NEK10: variants seen among roughly 807,000 people sequenced by gnomAD.
NEK10 encodes serine/threonine-protein kinase Nek10.
A neutral mutation model predicts 159.8 loss-of-function variants in NEK10; 122 were observed. That is an observed-to-expected ratio of 0.76 (90% confidence interval 0.66 to 0.89). The LOEUF is 0.89. Among genes scored for constraint, NEK10 ranks in the 40% least tolerant of loss-of-function variants. NEK10 has a pLI of 0.00. For synonymous variants in NEK10, 466 were observed against 457.1 expected (o/e 1.02, Z -0.25); for missense variants, 1,342 against 1,323.1 (o/e 1.01, Z -0.22).
intron 31 of NEK10, among the ~76,000 whole-genome samples, chr3:27,136,103 A>ATTTTTTTTTTTTTTTT: frequency 1.6e-5 from 1 of 60,680 alleles, no homozygotes; most frequent in Non-Finnish European, 3.1e-5. Flanking sequence ...TAGGAGATCG[A>ATTTTTTTTTTTTTTTT]TTTTTTTTTT....
intron 23 of NEK10, among the ~76,000 whole-genome samples, chr3:27,230,552 C>T (rs1475641972): frequency 6.6e-6 from 1 of 152,018 alleles, no homozygotes; most frequent in African/African-American, 2.4e-5. Context: ...GGCCTAGATG[C>T]TCCACTTAAA....
In NEK10 at chr3:27,218,377, C is replaced by G. The variant is rs570530009; in HGVS notation, c.2091-15820G>C. On this transcript the variant is annotated intron_variant, in intron 23 of 35. Coordinates refer to ENST00000691995, the MANE Select transcript of NEK10 (RefSeq NM_001394966.1). ...ATCCCAGCACTTTGGGAGACCAAGG[C>G]GGGCGGATCACAAGGTCAGGAGTTT... Among the ~76,000 whole-genome samples, 3 of 152,056 alleles carry G rather than the reference C, an allele frequency of 2.0e-5. No homozygotes were observed. In the South Asian group the frequency reaches 6.2e-4, roughly 32 times the overall value.
chr3:27,146,338 C>G (rs1277472530), intron 30 of NEK10, among the ~76,000 whole-genome samples: 1 of 152,166 alleles, frequency 6.6e-6, no homozygotes, highest in African/African-American at 2.4e-5. Flanking sequence ...GTGGGTTACA[C>G]TGTACTCTCC....
At chr3:27,278,926 T>C (rs1165712316) in intron 22 of NEK10, 2 of 985,042 alleles carry the variant, frequency 2.0e-6, no homozygotes, top group Non-Finnish European at 1.2e-6. Flanking sequence ...AATCGGGGTC[T>C]GTTTCCTTGG....
intron 22 of NEK10, among the ~76,000 whole-genome samples, chr3:27,261,981 C>T (rs1246972133): frequency 6.6e-6 from 1 of 152,106 alleles, no homozygotes; most frequent in Non-Finnish European, 1.5e-5. Context: ...TATGTAATGG[C>T]CTTCTTTGTC....
intron 1 of NEK10, among the ~76,000 whole-genome samples, chr3:27,362,471 C>T (rs1335870174): frequency 6.6e-6 from 1 of 151,940 alleles, no homozygotes; most frequent in Non-Finnish European, 1.5e-5. Flanking sequence ...AGGAATTGAC[C>T]TGAGATAATG....
At chr3:27,322,107 GA>G in intron 6 of NEK10, 69 bp downstream of exon 6, 1 of 786,848 alleles carries the variant, frequency 1.3e-6, no homozygotes, top group Non-Finnish European at 2.1e-6. Flanking sequence ...CTACTTCAAA[GA>G]AAAGCCCACC....
chr3:27,283,985 T>C (rs2042388797), intron 22 of NEK10, among the ~76,000 whole-genome samples: 1 of 152,090 alleles, frequency 6.6e-6, no homozygotes, highest in Non-Finnish European at 1.5e-5. Context: ...ATTCTAAGAG[T>C]ACTTCATTCC....
At chr3:27,292,997 A>AT (rs1448048971) in intron 16 of NEK10, among the ~76,000 whole-genome samples, 1 of 151,828 alleles carries the variant, frequency 6.6e-6, no homozygotes, top group Non-Finnish European at 1.5e-5. Context: ...TGGGCCTATG[A>AT]TTTTGGCTAA....
intron 5 of NEK10, among the ~76,000 whole-genome samples, chr3:27,342,319 A>C (rs1253629646): frequency 2.0e-5 from 3 of 152,162 alleles, no homozygotes; most frequent in African/African-American, 7.2e-5. Context: ...GAAGGGAAGA[A>C]AAAAAAGGAG....
At chr3:27,365,590 T>G (rs2048998034) in intron 1 of NEK10, among the ~76,000 whole-genome samples, 1 of 123,098 alleles carries the variant, frequency 8.1e-6, no homozygotes. Context: ...TTGTTTTGGT[T>G]TTTTGTGTTT....
At chr3:27,265,911 AT>A (rs1252093669) in intron 22 of NEK10, among the ~76,000 whole-genome samples, 1 of 147,866 alleles carries the variant, frequency 6.8e-6, no homozygotes, top group Non-Finnish European at 1.5e-5. Context: ...GGTTCATGCC[AT>A]TCTCCTGCCT....
At chr3:27,342,095 A>G (rs1007638637) in intron 5 of NEK10, among the ~76,000 whole-genome samples, 4 of 152,108 alleles carry the variant, frequency 2.6e-5, no homozygotes, top group African/African-American at 7.2e-5. Flanking sequence ...GAAGAGGACC[A>G]CATGTCCTGT....
intron 4 of NEK10, 44 bp from the exon 5 acceptor site, chr3:27,344,414 G>C (rs751984672): frequency 1.9e-6 from 2 of 1,058,708 alleles, no homozygotes; most frequent in Non-Finnish European, 2.9e-6. Flanking sequence ...TAGAGATCAG[G>C]CTGTCTCAAA....
chr3:27,172,430 T>C (rs1356782059), intron 28 of NEK10, among the ~76,000 whole-genome samples: 1 of 148,592 alleles, frequency 6.7e-6, no homozygotes, highest in Non-Finnish European at 1.5e-5. Context: ...GATCCAGCAA[T>C]CCCACTACTG....
chr3:27,284,433 A>T (rs959563225), intron 22 of NEK10, among the ~76,000 whole-genome samples, 169 bp downstream of exon 22: 1 of 152,192 alleles, frequency 6.6e-6, no homozygotes, highest in Non-Finnish European at 1.5e-5. Context: ...CCTCAGTCAC[A>T]CTAATCACAT....
chr3:27,128,481 C>G (rs939298226), intron 32 of NEK10, among the ~76,000 whole-genome samples: 2 of 152,042 alleles, frequency 1.3e-5, no homozygotes, highest in African/African-American at 4.8e-5. Context: ...TTAAGTACTT[C>G]TACAATAAGA....
At chr3:27,306,986 AC>A (rs1442198991) in intron 11 of NEK10, among the ~76,000 whole-genome samples, 1 of 152,014 alleles carries the variant, frequency 6.6e-6, no homozygotes, top group Non-Finnish European at 1.5e-5. Context: ...GCATGACTCC[AC>A]ATTCTAATTG....
intron 23 of NEK10, among the ~76,000 whole-genome samples, chr3:27,249,263 T>C (rs1407905718): frequency 6.6e-6 from 1 of 152,228 alleles, no homozygotes; most frequent in African/African-American, 2.4e-5. Context: ...TGCAAATCAA[T>C]TAAACCTCTT....
Sources: gnomAD v4.1 joint callset for allele counts (sites outside exome capture counted in the v4.1 genomes callset) on GRCh38, gnomAD v4.1.1 for gene constraint, MANE v1.5 for transcripts, NCBI Gene and HGNC (gene_info 2026-07-23, HGNC 2026-07-21) for gene names.